The following HK1 variants were observed in gnomAD, a reference collection of about 807,000 sequenced individuals.
HK1 encodes the protein hexokinase 1.
In HK1, 28 loss-of-function variants were observed where a neutral mutation model predicts 91.6. The observed-to-expected ratio is 0.31, with a 90% CI of 0.23 to 0.42. The LOEUF (loss-of-function observed/expected upper bound fraction) is 0.42, where lower values mean the gene tolerates loss of function less well. Ranked by LOEUF, HK1 falls within the 10% of genes least tolerant of loss-of-function variation. The pLI is 1.00. For missense variants in HK1, 770 were observed against 1,219.8 expected, an observed-to-expected ratio of 0.63 and a Z score of 5.49; for synonymous variants, 430 against 468.1, an observed-to-expected ratio of 0.92 and a Z score of 1.05.
At chr10:69,376,779 T>C (rs1184971933) in intron 7 of HK1, among the ~76,000 whole-genome samples, 155 bp from the exon 8 acceptor site, 1 of 152,150 alleles carries the variant, frequency 6.6e-6, no homozygotes, top group East Asian at 1.9e-4. Flanking sequence ...CTCCCTCTGC[T>C]GTTCAGTCAC....
intron 5 of HK1, among the ~76,000 whole-genome samples, chr10:69,307,658 G>A (rs1203200649): frequency 6.6e-6 from 1 of 151,904 alleles, no homozygotes; most frequent in African/African-American, 2.4e-5. Context: ...TATAAAATGG[G>A]GATATTACGA....
chr10:69,347,032 C>G (rs952473291), intron 2 of HK1, among the ~76,000 whole-genome samples: 1 of 151,690 alleles, frequency 6.6e-6, no homozygotes, highest in Non-Finnish European at 1.5e-5. Flanking sequence ...TACATTTCCT[C>G]TTTTCTTTTC....
Position 69,401,078 on chromosome 10 carries a change from G to A in HK1, c.2697G>A (p.Lys899=). The A allele has an allele frequency of 1.2e-6, 2 of 1,614,156 alleles. No homozygotes were observed. The highest frequency in any genetic ancestry group is 1.7e-6 in the Non-Finnish European group (2 of 1,180,026). ...SFLLSEDGSG[K]GAALITAVGV... is the part of the protein sequence containing the mutation. ...TCCTGTCTGAGGATGGCAGCGGCAA[G>A]GGGGCCGCCCTCATCACGGCCGTGG... The change falls in exon 18 of 18, where the codon AAG becomes AAA. Residue 899 remains lysine (K), a synonymous_variant. Coordinates refer to ENST00000359426, the MANE Select transcript of HK1 (RefSeq NM_000188.3).
intron 7 of HK1, among the ~76,000 whole-genome samples, chr10:69,375,950 C>T (rs1382919693): frequency 3.3e-5 from 5 of 152,256 alleles, no homozygotes; most frequent in Non-Finnish European, 5.9e-5. Flanking sequence ...TGGAGCTGTG[C>T]GGTGAGCTGA....
intron 2 of HK1, among the ~76,000 whole-genome samples, chr10:69,284,983 A>AT (rs1355139111): frequency 1.3e-5 from 2 of 151,600 alleles, no homozygotes; most frequent in African/African-American, 4.8e-5. Flanking sequence ...CGCCCGGCTA[A>AT]TTTTTTTGTA....
rs118062603 is a variant in HK1 at position 69,370,719 on chromosome 10, G to C, written c.875+1095G>C. ...GAGTATAAGTCATGTAGACGTTAGG[G>C]AGAATGGAGAAGCAACCTCCATTCT... is the stretch of plus-strand genomic sequence containing the variant. On this transcript the variant is annotated intron_variant, in intron 7 of 17. Coordinates refer to ENST00000359426, the MANE Select transcript of HK1 (RefSeq NM_000188.3). Among the ~76,000 whole-genome samples the C allele has an allele frequency of 5.3e-4, 80 of 152,262 alleles. 2 individuals are homozygous for C. The East Asian group carries it at 0.015, about 29-fold the overall frequency.
intron 7 of HK1, among the ~76,000 whole-genome samples, chr10:69,374,173 A>C (rs1377613336): frequency 6.6e-6 from 1 of 152,156 alleles, no homozygotes; most frequent in Non-Finnish European, 1.5e-5. Context: ...ATCTCTCGGC[A>C]GCTCCGGTCC....
chr10:69,271,357 T>A (rs1047780593), intron 1 of HK1, among the ~76,000 whole-genome samples: 1 of 152,166 alleles, frequency 6.6e-6, no homozygotes, highest in Non-Finnish European at 1.5e-5. Flanking sequence ...GGGAAATTAA[T>A]GGCATGAATT....
chr10:69,313,062 G>A (rs1377833892), upstream of HK1, among the ~76,000 whole-genome samples: 4 of 152,182 alleles, frequency 2.6e-5, no homozygotes, highest in Non-Finnish European at 5.9e-5. Context: ...TGAGAGGACT[G>A]GGGCTTGGAT....
chr10:69,283,735 A>C (rs934594665), intron 2 of HK1, among the ~76,000 whole-genome samples: 3 of 145,824 alleles, frequency 2.1e-5, no homozygotes, highest in African/African-American at 7.6e-5. Flanking sequence ...AAGAGGTTGC[A>C]ATGAGCCAAG....
intron 1 of HK1, among the ~76,000 whole-genome samples, chr10:69,341,659 T>C (rs1467401087): frequency 6.6e-6 from 1 of 152,032 alleles, no homozygotes; most frequent in Non-Finnish European, 1.5e-5. Flanking sequence ...GACAGGGTTG[T>C]TGCCCAGGCT....
chr10:69,288,882 G>A lies in HK1; in HGVS notation c.-115+112G>A, dbSNP rs1466853625. On this transcript the variant is annotated intron_variant, in intron 3 of 21. Transcript: ENST00000360289. Reference sequence around the variant, plus strand: ...GCTCACTATAACCTCTGCCTCCCGGGTTCAAGCGATTCTCCTGCCTCAGCC... The same window carrying A: ...GCTCACTATAACCTCTGCCTCCCGGATTCAAGCGATTCTCCTGCCTCAGCC... 6.9e-6 allele frequency: 6 copies of A among 874,980 alleles called. No individual in the cohort carries two copies. The African/African-American group carries it at 8.3e-5, about 12-fold the overall frequency. The allele number at this position is 874,980 out of a possible 1,614,324, so 54.2% of individuals were successfully genotyped here. A position where few individuals can be genotyped will look rare whatever the true frequency, so the allele number is the denominator to read the frequency against.
At chr10:69,371,457 A>T (rs2132825979) in intron 7 of HK1, among the ~76,000 whole-genome samples, 1 of 152,264 alleles carries the variant, frequency 6.6e-6, no homozygotes, top group East Asian at 1.9e-4. Flanking sequence ...GTATTCTGTG[A>T]CACATGGCAT....
upstream of HK1, among the ~76,000 whole-genome samples, chr10:69,318,485 T>C (rs1158673250): frequency 6.6e-6 from 1 of 152,112 alleles, no homozygotes; most frequent in Non-Finnish European, 1.5e-5. Flanking sequence ...AGCCGGGCGG[T>C]GCCTCCTGCC....
chr10:69,343,982 T>A lies in HK1; in HGVS notation c.219T>A (p.Asp73Glu). Residue 73 changes from aspartate (D) to glutamate (E), a missense_variant, in exon 2 of 18, where the codon GAT becomes GAA. By Grantham distance (45) the Asp-to-Glu change is conservative. Around this residue, in one of 7 missense-constraint regions of HK1, gnomAD observed 449 missense variants for 665.1 expected, o/e 0.68. Coordinates refer to ENST00000359426, the MANE Select transcript of HK1 (RefSeq NM_000188.3). ...CAACATTCGTAAGGTCCATTCCTGA[T>A]GGCTCTGGTAAGTCTGTCACCCAGA... ...MLPTFVRSIP[D>E]GSEKGDFIAL... 6.2e-7 allele frequency: 1 copy of A among 1,614,218 alleles called. No homozygotes were observed. Among genetic ancestry groups the A allele is most frequent in the Non-Finnish European group, 8.5e-7 (1 of 1,180,014 alleles).
intron 3 of HK1, among the ~76,000 whole-genome samples, chr10:69,290,264 C>T (rs1589441090): frequency 7.3e-6 from 1 of 136,406 alleles, no homozygotes; most frequent in Non-Finnish European, 1.6e-5. Flanking sequence ...CCTGGTCAGC[C>T]CTTGGGTGGC....
intron 16 of HK1, among the ~76,000 whole-genome samples, chr10:69,397,663 GGAGT>G (rs1439575597): frequency 6.6e-6 from 1 of 152,162 alleles, no homozygotes; most frequent in Non-Finnish European, 1.5e-5. Flanking sequence ...GGTTGTTTGA[GGAGT>G]AAGTAAGGTA....
At position 69,401,311 on chromosome 10, in the gene HK1, G is replaced by T; in HGVS notation, c.*176G>T. On this transcript the variant is annotated 3_prime_UTR_variant, in exon 18 of 18. Transcript: ENST00000359426. ...TAGGGTACAGAATAGAGCGTGTGCT[G>T]TTGATAATATCTCTCACCCGGATCC... 1.4e-6 allele frequency: 1 copy of T among 696,060 alleles called. No individual in the cohort carries two copies. Among genetic ancestry groups the T allele is most frequent in the East Asian group, 2.7e-5 (1 of 36,948 alleles). The allele number at this position is 696,060 out of a possible 1,614,324, so 43.1% of individuals were successfully genotyped here.
At chr10:69,340,200 G>T (rs1320575838) in intron 1 of HK1, among the ~76,000 whole-genome samples, 1 of 152,066 alleles carries the variant, frequency 6.6e-6, no homozygotes, top group African/African-American at 2.4e-5. Context: ...TGGTCGTTGG[G>T]GCGTGTCCAA....
Sources: allele counts gnomAD v4.1 joint callset (sites outside exome capture counted in the v4.1 genomes callset), GRCh38; gene constraint gnomAD v4.1.1; regional missense constraint gnomAD v4.1.1; transcripts MANE v1.5; gene names NCBI Gene and HGNC (gene_info 2026-07-23, HGNC 2026-07-21).